The following SLC35D4 variants were observed in gnomAD, a reference collection of about 807,000 sequenced individuals.
SLC35D4 encodes solute carrier family 35 member D4.
chr18:23,288,349 C>T, the SLC35D4 span, among the ~76,000 whole-genome samples: 1 of 152,210 alleles, frequency 6.6e-6, no homozygotes. Context: ...TCCTTTCCAT[C>T]GTGGAAATCT....
chr18:23,385,723 A>G, the SLC35D4 span, among the ~76,000 whole-genome samples: 3 of 152,208 alleles, frequency 2.0e-5, no homozygotes, highest in Non-Finnish European at 4.4e-5. Context: ...GAACCAGTGA[A>G]GAGTTTTAAA....
At chr18:23,420,542 T>G in the SLC35D4 span, among the ~76,000 whole-genome samples, 20 of 152,006 alleles carry the variant, frequency 1.3e-4, no homozygotes, top group Non-Finnish European at 2.5e-4. Context: ...GGCTAATATT[T>G]TTCTTATTAT....
the SLC35D4 span, among the ~76,000 whole-genome samples, chr18:23,371,935 G>GTTTTTTTTT: frequency 9.0e-3 from 320 of 35,424 alleles, 80 homozygotes; most frequent in African/African-American, 0.032. Flanking sequence ...TGTTTTTTTT[G>GTTTTTTTTT]TTTTTTTTTT....
At chr18:23,430,790 A>G in the SLC35D4 span, 1 of 991,946 alleles carries the variant, frequency 1.0e-6, no homozygotes, top group Non-Finnish European at 1.5e-6. Context: ...AGTAAATTCA[A>G]GTTTTAAAAA....
At chr18:23,417,788 T>A in the SLC35D4 span, among the ~76,000 whole-genome samples, 3 of 152,230 alleles carry the variant, frequency 2.0e-5, no homozygotes, top group African/African-American at 7.2e-5. Context: ...AGACTACTAT[T>A]AATAAGTAAA....
At chr18:23,352,228 C>T in the SLC35D4 span, 1 of 1,612,612 alleles carries the variant, frequency 6.2e-7, no homozygotes, top group South Asian at 1.1e-5. Context: ...GCACACTGCC[C>T]TGGGGCCAGA....
the SLC35D4 span, among the ~76,000 whole-genome samples, chr18:23,331,804 G>A: frequency 2.0e-5 from 3 of 151,682 alleles, no homozygotes. Context: ...CCATTGTATG[G>A]ACAGATGAAA....
the SLC35D4 span, chr18:23,257,472 T>C: frequency 7.8e-7 from 1 of 1,279,172 alleles, no homozygotes; most frequent in Non-Finnish European, 1.1e-6. Flanking sequence ...TACCAGACTT[T>C]TCTTCCTCTC....
At chr18:23,312,274 T>C in the SLC35D4 span, among the ~76,000 whole-genome samples, 1 of 151,716 alleles carries the variant, frequency 6.6e-6, no homozygotes, top group Non-Finnish European at 1.5e-5. Context: ...CTGTCTGCCG[T>C]GAGATAGATA....
the SLC35D4 span, among the ~76,000 whole-genome samples, chr18:23,272,815 A>G: frequency 1.3e-5 from 2 of 152,188 alleles, no homozygotes; most frequent in Non-Finnish European, 2.9e-5. Flanking sequence ...CAATTCCTCA[A>G]TGCACAGTGT....
chr18:23,294,151 C>T, the SLC35D4 span, among the ~76,000 whole-genome samples: 4 of 152,002 alleles, frequency 2.6e-5, 1 homozygote, highest in South Asian at 8.3e-4. Context: ...TTGTACACAA[C>T]CTTGCCTCTC....
chr18:23,343,729 A>G, the SLC35D4 span, among the ~76,000 whole-genome samples: 2 of 151,978 alleles, frequency 1.3e-5, no homozygotes, highest in Non-Finnish European at 2.9e-5. Context: ...CCTCACCCTC[A>G]AGTAGGCCCC....
the SLC35D4 span, chr18:23,309,584 C>T: frequency 9.4e-7 from 1 of 1,063,856 alleles, no homozygotes; most frequent in Non-Finnish European, 1.5e-6. Flanking sequence ...ACAGCCAACG[C>T]ACACTCCCTT....
chr18:23,246,676 C>A, the SLC35D4 span, among the ~76,000 whole-genome samples: 70 of 151,616 alleles, frequency 4.6e-4, 1 homozygote, highest in African/African-American at 1.4e-3. Context: ...TATGCTTGAG[C>A]CACCGCACCC....
the SLC35D4 span, among the ~76,000 whole-genome samples, chr18:23,319,112 G>A: frequency 1.3e-5 from 2 of 152,046 alleles, no homozygotes; most frequent in African/African-American, 2.4e-5. Flanking sequence ...CCAGAGTGCT[G>A]GGATTACAGA....
the SLC35D4 span, among the ~76,000 whole-genome samples, chr18:23,415,074 T>C: frequency 6.6e-6 from 1 of 152,206 alleles, no homozygotes; most frequent in South Asian, 2.1e-4. Context: ...ACTGCACCAC[T>C]GTACTCAAGC....
the SLC35D4 span, among the ~76,000 whole-genome samples, chr18:23,273,739 C>T: frequency 5.3e-5 from 8 of 152,200 alleles, no homozygotes; most frequent in East Asian, 1.4e-3. Flanking sequence ...ACTCAGTCAC[C>T]GCAAGTCTCC....
chr18:23,331,734 C>T, the SLC35D4 span, among the ~76,000 whole-genome samples: 1 of 152,100 alleles, frequency 6.6e-6, no homozygotes, highest in Non-Finnish European at 1.5e-5. Flanking sequence ...CCTCCCAATC[C>T]ATTCACTCAT....
At chr18:23,297,997 A>G in the SLC35D4 span, 2 of 1,612,750 alleles carry the variant, frequency 1.2e-6, no homozygotes, top group African/African-American at 2.7e-5. Context: ...CTTTCTCTTG[A>G]CCGTCTTGTT....
Sources: gnomAD v4.1 joint callset for allele counts (sites outside exome capture counted in the v4.1 genomes callset) on GRCh38, gnomAD v4.1.1 for gene constraint, MANE v1.5 for transcripts, NCBI Gene and HGNC (gene_info 2026-07-23, HGNC 2026-07-21) for gene names.